DPP6: variants seen among roughly 807,000 people sequenced by gnomAD.
The protein encoded by DPP6 is dipeptidyl peptidase like 6.
A neutral mutation model predicts 122.6 loss-of-function variants in DPP6; 69 were observed. The observed-to-expected ratio is 0.56, with a 90% CI of 0.46 to 0.69. DPP6 has a LOEUF of 0.69. Among genes scored for constraint, DPP6 ranks in the 30% least tolerant of loss-of-function variants. The pLI is 0.00. For synonymous variants in DPP6, 418 were observed against 433.1 expected (o/e 0.97, Z 0.43); for missense variants, 928 against 1,116.9 (o/e 0.83, Z 2.41).
rs374330154 is a variant in DPP6, at chr7:154,461,612, T to A, written c.359-13327T>A. On this transcript the variant is annotated intron_variant, in intron 2 of 25. Coordinates refer to ENST00000377770, the MANE Select transcript of DPP6 (RefSeq NM_130797.4). Reference sequence around the variant, plus strand: ...ATAGCTTTGATTTGCATTTTTCTGATGATCAATGATGTTGAGCACCTTTTC... The same window carrying A: ...ATAGCTTTGATTTGCATTTTTCTGAAGATCAATGATGTTGAGCACCTTTTC... Among the ~76,000 whole-genome samples the A allele has an allele frequency of 4.6e-5, 7 of 152,358 alleles. No homozygotes were observed. The South Asian group carries it at 1.2e-3, about 27-fold the overall frequency.
chr7:153,911,932 C>T (rs1305172167), intron 1 of DPP6, among the ~76,000 whole-genome samples: 1 of 152,226 alleles, frequency 6.6e-6, no homozygotes. Flanking sequence ...AAATCAGATG[C>T]TGTATAGCCT....
Position 154,408,433 on chromosome 7 carries a change from G to GT in DPP6, c.244-37774dup, listed in dbSNP as rs200179334. Among the ~76,000 whole-genome samples, 1,013 of 151,872 alleles carry GT rather than the reference G, an allele frequency of 6.7e-3. 35 individuals carry two copies. The highest frequency in any genetic ancestry group is 0.052 in the Admixed American group (801 of 15,270). The stretch of plus-strand genomic sequence containing the variant: ...CTACTATCAGTTTTATGTGGTTATT[G>GT]TTTTTTTAAATCTTTTCAATATATA... On this transcript the variant is annotated intron_variant, in intron 1 of 25. Coordinates refer to ENST00000377770, the MANE Select transcript of DPP6 (RefSeq NM_130797.4).
chr7:153,891,652 G>C (rs1799209225), intron 1 of DPP6, among the ~76,000 whole-genome samples: 1 of 152,236 alleles, frequency 6.6e-6, no homozygotes, highest in Admixed American at 6.5e-5. Context: ...CATCAGAAGG[G>C]TGTTGCTTCG....
intron 1 of DPP6, among the ~76,000 whole-genome samples, chr7:153,995,996 C>G (rs1585149672): frequency 6.6e-6 from 1 of 152,202 alleles, no homozygotes; most frequent in South Asian, 2.1e-4. Context: ...GGGCAACATT[C>G]CGCAGGGGCT....
At position 154,282,078 on chromosome 7, in the gene DPP6, G is replaced by A. The variant is rs1190731216; in HGVS notation, c.244-164136G>A. 6.6e-6 allele frequency among the ~76,000 whole-genome samples: 1 copy of A among 152,152 alleles called. No homozygotes were observed. On this transcript the variant is annotated intron_variant, in intron 1 of 25. Coordinates refer to ENST00000377770, the MANE Select transcript of DPP6 (RefSeq NM_130797.4). The surrounding 1 kb of genome is among the most constrained non-coding windows in gnomAD (Gnocchi z 4.8). ...GGGGAGATTGACCTCACCTGAGAGA[G>A]TGTCCTGAGAACCAAGTGTAATGAT...
At chr7:154,251,515 T>C (rs1188433633) in intron 1 of DPP6, among the ~76,000 whole-genome samples, 2 of 152,184 alleles carry the variant, frequency 1.3e-5, no homozygotes, top group Non-Finnish European at 2.9e-5. Context: ...GAGAACTGAC[T>C]CACACCATCA....
chr7:153,853,219 G>A, the DPP6 span, among the ~76,000 whole-genome samples: 1 of 152,160 alleles, frequency 6.6e-6, no homozygotes, highest in Non-Finnish European at 1.5e-5. Context: ...AAGCATTTCA[G>A]GCTTGCTCCC....
intron 1 of DPP6, among the ~76,000 whole-genome samples, chr7:153,967,473 G>T (rs992634747): frequency 6.6e-6 from 1 of 152,196 alleles, no homozygotes; most frequent in African/African-American, 2.4e-5. Flanking sequence ...CAACAACTCC[G>T]TAGAATTACC....
intron 1 of DPP6, among the ~76,000 whole-genome samples, chr7:154,100,505 C>T (rs1341142945): frequency 2.6e-5 from 2 of 78,104 alleles, no homozygotes; most frequent in African/African-American, 1.3e-4. Flanking sequence ...GAGCCTCCGC[C>T]GTCTCCCAGA....
At chr7:153,772,381 G>T in the DPP6 span, among the ~76,000 whole-genome samples, 1 of 152,120 alleles carries the variant, frequency 6.6e-6, no homozygotes, top group Non-Finnish European at 1.5e-5. Context: ...ACCACGCCCC[G>T]CTGGGAGAAT....
At chr7:154,701,171 A>T (rs1482857454) in intron 7 of DPP6, among the ~76,000 whole-genome samples, 2 of 151,928 alleles carry the variant, frequency 1.3e-5, no homozygotes, top group Non-Finnish European at 2.9e-5. Flanking sequence ...ATTAACCTGC[A>T]CTCTAGAGTC....
At chr7:154,134,825 C>T (rs1585453000) in intron 1 of DPP6, among the ~76,000 whole-genome samples, 2 of 152,034 alleles carry the variant, frequency 1.3e-5, no homozygotes, top group African/African-American at 4.8e-5. Context: ...TAAGTGTATA[C>T]ATCCTGTGAT....
At chr7:153,759,101 T>C in the DPP6 span, among the ~76,000 whole-genome samples, 2 of 151,946 alleles carry the variant, frequency 1.3e-5, no homozygotes, top group African/African-American at 4.8e-5. Context: ...TTGGTGCAGT[T>C]TAAATTTGTA....
chr7:153,779,888 G>A, the DPP6 span, among the ~76,000 whole-genome samples: 22 of 151,384 alleles, frequency 1.5e-4, no homozygotes, highest in Non-Finnish European at 2.7e-4. Context: ...TGCTGTGATT[G>A]TACAAGATGT....
intron 1 of DPP6, among the ~76,000 whole-genome samples, chr7:154,326,959 CAG>C (rs935699911): frequency 1.4e-4 from 21 of 152,042 alleles, no homozygotes; most frequent in Admixed American, 1.3e-4. Flanking sequence ...AGAGGGTGGG[CAG>C]AGAGGGACGC....
At chr7:154,049,871 C>T (rs1422543225), upstream of DPP6, among the ~76,000 whole-genome samples, 1 of 151,812 alleles carries the variant, frequency 6.6e-6, no homozygotes, top group East Asian at 1.9e-4. Context: ...AGGCGTGAGC[C>T]ACCGCGCCCG....
intron 1 of DPP6, chr7:154,057,838 C>T (rs1272400158): frequency 6.6e-6 from 1 of 150,782 alleles, no homozygotes; most frequent in East Asian, 1.9e-4. Context: ...AAGATGGCAG[C>T]TGGACTTTTA....
At chr7:154,401,211 C>G (rs202053593) in intron 1 of DPP6, among the ~76,000 whole-genome samples, 1 of 124,026 alleles carries the variant, frequency 8.1e-6, no homozygotes, top group East Asian at 2.6e-4. Flanking sequence ...AAAACAAAAA[C>G]AAAAACAAAA....
At chr7:154,523,238 G>T (rs911496893) in intron 3 of DPP6, among the ~76,000 whole-genome samples, 3 of 151,918 alleles carry the variant, frequency 2.0e-5, no homozygotes, top group Non-Finnish European at 2.9e-5. Flanking sequence ...TTTTTGAGAC[G>T]GAGTCTTACC....
Sources: gnomAD v4.1 joint callset for allele counts (sites outside exome capture counted in the v4.1 genomes callset) on GRCh38, gnomAD v4.1.1 for gene constraint, Gnocchi (gnomAD v3.1) non-coding constraint, MANE v1.5 for transcripts, NCBI Gene and HGNC (gene_info 2026-07-23, HGNC 2026-07-21) for gene names.